The following PGAP6 variants were observed in gnomAD, a reference collection of about 807,000 sequenced individuals.
The protein encoded by PGAP6 is post-GPI attachment to proteins 6.
A neutral mutation model predicts 68.4 loss-of-function variants in PGAP6; 62 were observed. The observed-to-expected ratio is 0.91, with a 90% CI of 0.74 to 1.12. PGAP6 has a LOEUF of 1.12. Ranked by LOEUF, PGAP6 falls within the 50% of genes most tolerant of loss-of-function variation. The pLI, the probability that PGAP6 is intolerant of heterozygous loss-of-function variation, is 0.00. For missense variants in PGAP6, 1,188 were observed against 1,068.5 expected (o/e 1.11, Z -1.56); for synonymous variants, 575 against 474.0 (o/e 1.21, Z -2.77).
upstream of PGAP6, among the ~76,000 whole-genome samples, chr16:383,953 C>G (rs942672254): frequency 6.6e-6 from 1 of 152,204 alleles, no homozygotes; most frequent in Non-Finnish European, 1.5e-5. Context: ...CCCGGCTGAG[C>G]CTTAAAGAGA....
chr16:381,865 C>A lies in PGAP6; in HGVS notation c.-44G>T. The A allele has an allele frequency of 1.0e-6, 1 of 979,698 alleles. No individual in the cohort carries two copies. The highest frequency in any genetic ancestry group is 1.2e-6 in the Non-Finnish European group (1 of 826,598). 60.7% of individuals were successfully genotyped at this position (979,698 alleles called of 1,614,324 possible). ...GCGCTACCCGGCCCGCGTCCCGCGC[C>A]GCCGGCCCCCGCCGCCGCCCGGGCA... On this transcript the variant is annotated 5_prime_UTR_variant, in exon 1 of 13. Transcript: ENST00000431232.
intron 11 of PGAP6, 106 bp from the exon 12 acceptor site, chr16:372,833 AGCT>A: frequency 1.3e-6 from 1 of 759,512 alleles, no homozygotes; most frequent in Non-Finnish European, 2.2e-6. Context: ...GCCCCCTCGG[AGCT>A]GCTGCCACCC....
At position 377,077 on chromosome 16, in the gene PGAP6, G is replaced by T; in HGVS notation, c.595C>A (p.Pro199Thr). Residue 199 changes from proline (P) to threonine (T), a missense_variant, in exon 4 of 13, where the codon CCC (proline) becomes ACC (threonine). By Grantham distance (38) the Pro-to-Thr change is conservative. Transcript: ENST00000431232. The stretch of plus-strand genomic sequence containing the variant: ...TGGGAGAGGAGGGTCTGAGGAAGGG[G>T]CACGTCCGGCTCCATGATGGAAATC... Reference protein sequence around the residue: ...VEISIMEPDVPLPQTLLSHPS... With the variant: ...VEISIMEPDVTLPQTLLSHPS... The T allele has an allele frequency of 6.2e-7, 1 of 1,613,470 alleles. No individual in the cohort carries two copies. Among genetic ancestry groups the T allele is most frequent in the East Asian group, 2.2e-5 (1 of 44,878 alleles).
Position 375,173 on chromosome 16 carries a change from A to G in PGAP6, c.1399T>C (p.Trp467Arg). 3.1e-6 allele frequency: 5 copies of G among 1,613,458 alleles called. No individual in the cohort carries two copies. The highest frequency in any genetic ancestry group is 4.2e-6 in the Non-Finnish European group (5 of 1,179,984). ...LIIPYPETDN[W>R]YLSLQLMCPE... is the part of the protein sequence containing the mutation. ...CACATGAGCTGCAGGGAGAGGTACC[A>G]GTTGTCTGTCTCTGGGTAGGGGATG... The change falls in exon 8 of 13, where the codon TGG (tryptophan) becomes CGG (arginine). Residue 467 changes from tryptophan (W) to arginine (R), a missense_variant. By Grantham distance (101) the Trp-to-Arg change is moderately radical (BLOSUM62 -3). Transcript: ENST00000431232.
rs746503662 is a variant in PGAP6, at chr16:372,044, G to T, written c.2259C>A (p.Phe753Leu). 1.9e-6 allele frequency: 3 copies of T among 1,612,654 alleles called. No homozygotes were observed. The Admixed American group carries it at 5.0e-5, about 27-fold the overall frequency. The change falls in exon 13 of 13, where the codon TTC becomes TTA. Residue 753 changes from phenylalanine (F) to leucine (L), a missense_variant. By Grantham distance (22) the Phe-to-Leu change is conservative. Coordinates refer to ENST00000431232, the MANE Select transcript of PGAP6 (RefSeq NM_021259.3). ...TCTTGCAGATCTGATAGTGGCAGGG[G>T]AATTTCTGCGAGCAGGCCCAGGGCT... ...PAEPWACSQK[F>L]PCHYQICKND...
chr16:386,904 C>T (rs745583687), upstream of PGAP6: 7 of 613,338 alleles, frequency 1.1e-5, no homozygotes, highest in South Asian at 6.8e-5. Flanking sequence ...CACCTTCCAG[C>T]GGCCCAAGAC....
At position 372,626 on chromosome 16, in the gene PGAP6, G is replaced by A. The variant is rs767603254; in HGVS notation, c.2004C>T (p.Ile668=). The change falls in exon 12 of 13, where the codon ATC becomes ATT. Residue 668 remains isoleucine (I), a synonymous_variant. Coordinates refer to ENST00000431232, the MANE Select transcript of PGAP6 (RefSeq NM_021259.3). The stretch of plus-strand genomic sequence containing the variant: ...GGCTCCTTACCCACATGGAGGCCAT[G>A]ATCACGAAGGCAAAGAGGCAGGGCC... ...MLGPCLFAFV[I]MASMWAYRCG... 103 of 1,611,650 alleles carry A rather than the reference G, an allele frequency of 6.4e-5. No homozygotes were observed. Among genetic ancestry groups the A allele is most frequent in the South Asian group, 1.1e-5 (1 of 91,068 alleles).
rs778239145 is a variant in PGAP6, at chr16:372,122, G to C, written c.2181C>G (p.Ile727Met). Residue 727 changes from isoleucine to methionine, a missense_variant, in exon 13 of 13, where the codon ATC becomes ATG. Transcript: ENST00000431232. ...NYYYTHSIWH[I>M]LLAGSAALLL... The stretch of plus-strand genomic sequence containing the variant: ...GCAAGGCTGCGCTCCCGGCCAGCAG[G>C]ATGTGCCAGATGCTGTGGGTGTAGT... 4.3e-6 allele frequency: 7 copies of C among 1,612,890 alleles called. No individual in the cohort carries two copies. The highest frequency in any genetic ancestry group is 5.9e-6 in the Non-Finnish European group (7 of 1,179,980).
At chr16:384,798 G>A (rs1324789362), upstream of PGAP6, among the ~76,000 whole-genome samples, 1 of 151,204 alleles carries the variant, frequency 6.6e-6, no homozygotes, top group Non-Finnish European at 1.5e-5. Context: ...GGAGGTTGCA[G>A]TGAGCCAAGA....
At chr16:375,656 C>T (rs907567677) in intron 6 of PGAP6, among the ~76,000 whole-genome samples, 2 of 152,112 alleles carry the variant, frequency 1.3e-5, no homozygotes, top group African/African-American at 4.8e-5. Context: ...CTCAGCCTCC[C>T]GAGTAGCTGG....
At chr16:380,796 AG>A (rs1257220291) in intron 1 of PGAP6, among the ~76,000 whole-genome samples, 1 of 70,454 alleles carries the variant, frequency 1.4e-5, no homozygotes, top group Non-Finnish European at 2.6e-5. Context: ...TTTCAGGGGC[AG>A]GGGAGGGGAG....
At chr16:378,253 C>CCACCCGCACTGCCATCG (rs2054406310) in intron 1 of PGAP6, among the ~76,000 whole-genome samples, 4 of 24,644 alleles carry the variant, frequency 1.6e-4, no homozygotes, top group Non-Finnish European at 1.8e-4. Flanking sequence ...CACTGCCATC[C>CCACCCGCACTGCCATCG]CCACCCGCAC....
chr16:377,783 C>T lies in PGAP6; in HGVS notation c.187G>A (p.Gly63Ser), dbSNP rs200617437. The T allele has an allele frequency of 6.2e-5, 99 of 1,584,692 alleles. 1 individual carries two copies. In the East Asian group the frequency reaches 1.3e-3, roughly 21 times the overall value. Residue 63 changes from glycine to serine, a missense_variant, in exon 2 of 13, where the codon GGC becomes AGC. Gly to Ser is a moderately conservative substitution (Grantham distance 56). Coordinates refer to ENST00000431232, the MANE Select transcript of PGAP6 (RefSeq NM_021259.3). ...PQRLSFYSWY[G>S]SARLFRFRVP... Reference sequence around the variant, plus strand: ...CGGAAGCGGAAGAGCCTGGCACTGCCGTACCAGCTGTAGAAGGACAGCCTC... The same window carrying T: ...CGGAAGCGGAAGAGCCTGGCACTGCTGTACCAGCTGTAGAAGGACAGCCTC...
chr16:380,153 C>T (rs74000561), intron 1 of PGAP6, among the ~76,000 whole-genome samples: 3,710 of 152,288 alleles, frequency 0.024, 62 homozygotes, highest in Middle Eastern at 0.048. Flanking sequence ...GGTTCCATCT[C>T]CCAGGAACCC....
At chr16:385,655 C>A (rs1482525516), upstream of PGAP6, among the ~76,000 whole-genome samples, 1 of 97,900 alleles carries the variant, frequency 1.0e-5, no homozygotes, top group South Asian at 3.7e-4. Flanking sequence ...GATGGAATCT[C>A]GCTCTGTCGC....
At chr16:379,351 A>G (rs1179000300) in intron 1 of PGAP6, among the ~76,000 whole-genome samples, 1 of 152,218 alleles carries the variant, frequency 6.6e-6, no homozygotes, top group Non-Finnish European at 1.5e-5. Context: ...GCCTGTCGGC[A>G]AATCCAGGCC....
chr16:385,715 C>G (rs2054479955), upstream of PGAP6, among the ~76,000 whole-genome samples: 1 of 147,556 alleles, frequency 6.8e-6, no homozygotes, highest in African/African-American at 2.5e-5. Flanking sequence ...AGCTCCGCCT[C>G]CCAGGTTCAC....
chr16:372,083 A>C lies in PGAP6; in HGVS notation c.2220T>G (p.Pro740=). The C allele has an allele frequency of 6.2e-7, 1 of 1,612,532 alleles. No individual in the cohort carries two copies. The highest frequency in any genetic ancestry group is 8.5e-7 in the Non-Finnish European group (1 of 1,179,936). ...AGSAALLLPP[P]DQPAEPWACS... is the part of the protein sequence containing the mutation. ...AGGCCCAGGGCTCGGCGGGCTGGTC[A>C]GGTGGCGGCAGCAGCAAGGCTGCGC... Residue 740 remains proline (P), a synonymous_variant, in exon 13 of 13, where the codon CCT becomes CCG. Coordinates refer to ENST00000431232, the MANE Select transcript of PGAP6 (RefSeq NM_021259.3).
At chr16:380,248 C>T (rs1158908473) in intron 1 of PGAP6, among the ~76,000 whole-genome samples, 1 of 152,236 alleles carries the variant, frequency 6.6e-6, no homozygotes, top group Non-Finnish European at 1.5e-5. Flanking sequence ...GAGGGTCTCA[C>T]TCTGTCACCC....
Sources: gnomAD v4.1 joint callset for allele counts (sites outside exome capture counted in the v4.1 genomes callset) on GRCh38, gnomAD v4.1.1 for gene constraint, MANE v1.5 for transcripts, NCBI Gene and HGNC (gene_info 2026-07-23, HGNC 2026-07-21) for gene names.